The following RABEP2 variants were observed in gnomAD, a reference collection of about 807,000 sequenced individuals.
RABEP2 encodes rabaptin, RAB GTPase binding effector protein 2.
Under a neutral mutation model 74.1 loss-of-function variants are expected in RABEP2, and 57 were observed. The ratio of observed to expected loss-of-function variants is 0.77; its 90% CI spans 0.62 to 0.96. RABEP2 has a LOEUF of 0.96. Among genes scored for constraint, RABEP2 ranks in the 40% least tolerant of loss-of-function variants. The pLI is 0.00. For synonymous variants in RABEP2, 351 were observed against 344.0 expected (o/e 1.02, Z -0.23); for missense variants, 692 against 756.3 (o/e 0.91, Z 1.00).
chr16:28,917,050 T>C (rs1364218827), intron 3 of RABEP2, among the ~76,000 whole-genome samples: 1 of 152,024 alleles, frequency 6.6e-6, no homozygotes, highest in Non-Finnish European at 1.5e-5. Flanking sequence ...TTCAATCACA[T>C]GCAGCCAAAT....
Position 28,906,171 on chromosome 16 carries a change from G to T in RABEP2, c.1271C>A (p.Thr424Lys). The T allele has an allele frequency of 6.3e-7, 1 of 1,591,218 alleles. No individual in the cohort carries two copies. The highest frequency in any genetic ancestry group is 8.5e-7 in the Non-Finnish European group (1 of 1,174,462). ...VPELQQLLCC[T>K]RQEARARLQA... ...CAGCCGGGCCCTCGCCTCTTGCCGCGTGCAGCACAGCAGCTGCTGCAGCTC... is the reference window on the plus strand; with the variant it reads ...CAGCCGGGCCCTCGCCTCTTGCCGCTTGCAGCACAGCAGCTGCTGCAGCTC... The change falls in exon 9 of 13, where the codon ACG (threonine) becomes AAG (lysine). Residue 424 changes from threonine to lysine, a missense_variant. By Grantham distance (78) the Thr-to-Lys change is moderately conservative. Coordinates refer to ENST00000358201, the MANE Select transcript of RABEP2 (RefSeq NM_024816.3).
At chr16:28,925,049 G>C (rs1964516836) in intron 1 of RABEP2, 54 bp downstream of exon 1, 1 of 1,519,052 alleles carries the variant, frequency 6.6e-7, no homozygotes, top group African/African-American at 1.5e-5. Flanking sequence ...TGGCTGGCTC[G>C]GCCCCGCCCC....
Position 28,904,502 on chromosome 16 carries a change from C to T in RABEP2, c.*441G>A. 1.2e-5 allele frequency: 18 copies of T among 1,485,062 alleles called. No individual in the cohort carries two copies. Among genetic ancestry groups the T allele is most frequent in the Non-Finnish European group, 1.6e-5 (18 of 1,114,380 alleles). 92.0% of individuals were successfully genotyped at this position (1,485,062 alleles called of 1,614,324 possible). A position where few individuals can be genotyped will look rare whatever the true frequency, so the allele number is the denominator to read the frequency against. ...TGTGCAAGCTTGGAGGCCTGGGTCG[C>T]CGCTGTGGACAAGCGTCTTAGTGTC... On this transcript the variant is annotated 3_prime_UTR_variant, in exon 13 of 13. Coordinates refer to ENST00000358201, the MANE Select transcript of RABEP2 (RefSeq NM_024816.3).
intron 5 of RABEP2, among the ~76,000 whole-genome samples, chr16:28,911,918 C>T (rs1305989669): frequency 1.3e-5 from 2 of 151,806 alleles, no homozygotes; most frequent in African/African-American, 4.8e-5. Flanking sequence ...CACTGCACTC[C>T]AGCCTGGGTG....
At chr16:28,906,563 G>A (rs879450406) in intron 8 of RABEP2, among the ~76,000 whole-genome samples, 1 of 152,110 alleles carries the variant, frequency 6.6e-6, no homozygotes, top group Non-Finnish European at 1.5e-5. Flanking sequence ...TCAGGAGTTC[G>A]AGACCAGCCT....
chr16:28,909,631 T>G (rs1174841818), intron 7 of RABEP2, among the ~76,000 whole-genome samples: 1 of 152,024 alleles, frequency 6.6e-6, no homozygotes. Flanking sequence ...GCAGGATTGC[T>G]TGAGCCCAGA....
chr16:28,919,016 A>G (rs1179596900), intron 3 of RABEP2, among the ~76,000 whole-genome samples: 1 of 152,090 alleles, frequency 6.6e-6, no homozygotes, highest in East Asian at 1.9e-4. Context: ...ACTCCCTTCT[A>G]TGTGCGTAAA....
chr16:28,907,253 C>G (rs992911338), intron 8 of RABEP2, among the ~76,000 whole-genome samples: 1 of 151,574 alleles, frequency 6.6e-6, no homozygotes, highest in Admixed American at 6.6e-5. Context: ...CTCAACCTCC[C>G]AGGCTCAAGC....
chr16:28,917,000 A>C (rs1964405390), intron 3 of RABEP2, among the ~76,000 whole-genome samples: 1 of 152,048 alleles, frequency 6.6e-6, no homozygotes, highest in African/African-American at 2.4e-5. Context: ...AAAAAAAAAA[A>C]AAAAATTATG....
At chr16:28,925,077 G>C (rs769930043) in intron 1 of RABEP2, 26 bp downstream of exon 1, 6 of 1,529,746 alleles carry the variant, frequency 3.9e-6, no homozygotes, top group Non-Finnish European at 5.2e-6. Flanking sequence ...ACCGTTCCCC[G>C]CTTGCACGGA....
chr16:28,919,109 C>G (rs555681600), intron 3 of RABEP2, among the ~76,000 whole-genome samples: 1 of 152,334 alleles, frequency 6.6e-6, no homozygotes, highest in South Asian at 2.1e-4. Flanking sequence ...AGGGAATGGA[C>G]TGGGGAGGCT....
chr16:28,909,897 C>T (rs1203958015), intron 7 of RABEP2, among the ~76,000 whole-genome samples: 1 of 151,604 alleles, frequency 6.6e-6, no homozygotes, highest in Non-Finnish European at 1.5e-5. Flanking sequence ...GGCGTGGTGG[C>T]AGGCACCTGT....
At chr16:28,911,378 G>A (rs1386635635) in intron 5 of RABEP2, among the ~76,000 whole-genome samples, 199 bp from the exon 6 acceptor site, 1 of 152,156 alleles carries the variant, frequency 6.6e-6, no homozygotes, top group African/African-American at 2.4e-5. Flanking sequence ...GGATTCCACA[G>A]GACTGGGTGG....
intron 7 of RABEP2, among the ~76,000 whole-genome samples, chr16:28,908,999 C>CTATATA (rs113226418): frequency 6.7e-6 from 1 of 148,608 alleles, no homozygotes; most frequent in Non-Finnish European, 1.5e-5. Context: ...TTTACTTGGT[C>CTATATA]TATATATATA....
chr16:28,914,554 G>A lies in RABEP2; in HGVS notation c.576C>T (p.Gly192=), dbSNP rs750182845. The A allele has an allele frequency of 3.9e-5, 63 of 1,611,276 alleles. No homozygotes were observed. Among genetic ancestry groups the A allele is most frequent in the Admixed American group, 1.2e-4 (7 of 59,870 alleles). Residue 192 remains glycine, a synonymous_variant, in exon 5 of 13, where the codon GGC becomes GGT. Coordinates refer to ENST00000358201, the MANE Select transcript of RABEP2 (RefSeq NM_024816.3). The part of the protein sequence containing the change: ...RRPRHAPSLH[G]STELLPLSRD... ...GGGACAGGGGCAGCAACTCCGTGGA[G>A]CCGTGCAGGGAAGGGGCATGCCGGG...
chr16:28,904,449 A>G lies in RABEP2; in HGVS notation c.*494T>C, dbSNP rs1057207952. 1.3e-6 allele frequency: 2 copies of G among 1,524,040 alleles called. No individual in the cohort carries two copies. Among genetic ancestry groups the G allele is most frequent in the Non-Finnish European group, 1.8e-6 (2 of 1,139,446 alleles). 94.4% of individuals were successfully genotyped at this position (1,524,040 alleles called of 1,614,324 possible). On this transcript the variant is annotated 3_prime_UTR_variant, in exon 13 of 13. Coordinates refer to ENST00000358201, the MANE Select transcript of RABEP2 (RefSeq NM_024816.3). Reference sequence around the variant, plus strand: ...GCTGAGCTGCTTATTTATTGAAAATAAACGACGGAAAAGTCTGGCCTTGCC... The same window carrying G: ...GCTGAGCTGCTTATTTATTGAAAATGAACGACGGAAAAGTCTGGCCTTGCC...
In RABEP2 at chr16:28,908,671, A is replaced by G; in HGVS notation, c.1183T>C (p.Ser395Pro). ...QGLRAEQLPS[S>P]APQGSQQEQG... ...TCCTGCTGCGAGCCCTGGGGGGCTG[A>G]GGATGGCAGCTGCTCGGCCCGGAGC... Residue 395 changes from serine to proline, a missense_variant, in exon 8 of 13, where the codon TCA becomes CCA. By Grantham distance (74) the Ser-to-Pro change is moderately conservative. Transcript: ENST00000358201. 1.2e-6 allele frequency: 2 copies of G among 1,614,200 alleles called. No individual in the cohort carries two copies. Among genetic ancestry groups the G allele is most frequent in the Non-Finnish European group, 1.7e-6 (2 of 1,180,030 alleles).
At chr16:28,909,517 A>G (rs1964282841) in intron 7 of RABEP2, among the ~76,000 whole-genome samples, 1 of 152,122 alleles carries the variant, frequency 6.6e-6, no homozygotes, top group Non-Finnish European at 1.5e-5. Context: ...GTTTGAGACC[A>G]GCCTGGGCAA....
chr16:28,905,246 CAGGGTTTTTTG>C (rs1964207034), intron 12 of RABEP2, 140 bp downstream of exon 12: 2 of 694,940 alleles, frequency 2.9e-6, no homozygotes, highest in South Asian at 3.7e-5. Context: ...ATGAGAGTTT[CAGGGTTTTTTG>C]AGTAACAGCT....
Sources: allele counts gnomAD v4.1 joint callset (sites outside exome capture counted in the v4.1 genomes callset), GRCh38; gene constraint gnomAD v4.1.1; transcripts MANE v1.5; gene names NCBI Gene and HGNC (gene_info 2026-07-23, HGNC 2026-07-21).